The following TXNRD2 variants were observed in gnomAD, a reference collection of about 807,000 sequenced individuals.
TXNRD2 encodes the protein thioredoxin reductase 2, mitochondrial.
In TXNRD2, 67 loss-of-function variants were observed where a neutral mutation model predicts 70.8. The observed-to-expected ratio is 0.95, with a 90% CI of 0.78 to 1.16. The LOEUF (loss-of-function observed/expected upper bound fraction) is 1.16, where lower values mean the gene tolerates loss of function less well. Ranked by LOEUF, TXNRD2 falls within the 50% of genes most tolerant of loss-of-function variation. The pLI, the probability that TXNRD2 is intolerant of heterozygous loss-of-function variation, is 0.00. For missense variants in TXNRD2, 644 were observed against 719.9 expected, an observed-to-expected ratio of 0.89 and a Z score of 1.21; for synonymous variants, 301 against 295.8, an observed-to-expected ratio of 1.02 and a Z score of -0.18.
At chr22:19,932,658 G>C in intron 1 of TXNRD2, 1 of 1,186,112 alleles carries the variant, frequency 8.4e-7, no homozygotes, top group South Asian at 1.7e-5. Context: ...CTGATGACAA[G>C]ACTCTAGGGT....
chr22:19,892,601 G>A (rs1939314717), intron 11 of TXNRD2, among the ~76,000 whole-genome samples: 1 of 152,258 alleles, frequency 6.6e-6, no homozygotes, highest in Non-Finnish European at 1.5e-5. Flanking sequence ...GCTTTCCGGG[G>A]ACACAGCCCC....
chr22:19,930,952 C>T (rs1025958840), intron 2 of TXNRD2, 78 bp downstream of exon 2: 10 of 1,377,812 alleles, frequency 7.3e-6, no homozygotes, highest in Admixed American at 1.7e-5. Flanking sequence ...TGCTCATGGA[C>T]GTTTTCTGGA....
At chr22:19,881,987 C>A (rs574542391) in intron 12 of TXNRD2, among the ~76,000 whole-genome samples, 5 of 152,126 alleles carry the variant, frequency 3.3e-5, no homozygotes, top group Non-Finnish European at 4.4e-5. Flanking sequence ...TTTGCAGATA[C>A]AATTAAGGTA....
rs779542396 is a variant in TXNRD2, at chr22:19,941,745, T to C, written c.59A>G (p.Gln20Arg). 4.0e-6 allele frequency: 6 copies of C among 1,498,478 alleles called. No homozygotes were observed. In the South Asian group the frequency reaches 6.3e-5, roughly 16 times the overall value. The allele number at this position is 1,498,478 out of a possible 1,614,324, so 92.8% of individuals were successfully genotyped here. Residue 20 changes from glutamine (Q) to arginine (R), a missense_variant, in exon 1 of 18, where the codon CAG becomes CGG. Gln to Arg is a conservative substitution (Grantham distance 43). This residue lies in a region of TXNRD2 where 71 missense variants were observed against 53.6 expected (regional missense o/e 1.33). Coordinates refer to ENST00000400521, the MANE Select transcript of TXNRD2 (RefSeq NM_006440.5). ...GCCCCGCACCCCGCCCGCCACGGCC[T>C]GCGTCCGCCACCGGAAGCGCCCTCC... ...GLGGRFRWRT[Q>R]AVAGGVRGAA...
intron 8 of TXNRD2, among the ~76,000 whole-genome samples, chr22:19,909,807 C>A (rs1415624536): frequency 1.5e-5 from 2 of 129,338 alleles, no homozygotes; most frequent in East Asian, 5.1e-4. Flanking sequence ...CTCACACACA[C>A]CACTCACACA....
At chr22:19,885,487 A>G (rs1376114152) in intron 11 of TXNRD2, among the ~76,000 whole-genome samples, 5 of 152,210 alleles carry the variant, frequency 3.3e-5, no homozygotes, top group Non-Finnish European at 5.9e-5. Flanking sequence ...TGCTCTGCTC[A>G]GCCGCAGGAA....
rs115768691 is a variant in TXNRD2 at position 19,913,242 on chromosome 22, T to C, written c.592-1795A>G. 9.3e-3 allele frequency among the ~76,000 whole-genome samples: 1,416 copies of C among 152,286 alleles called. 28 individuals are homozygous for C. The highest frequency in any genetic ancestry group is 0.032 in the African/African-American group (1,346 of 41,546). Reference sequence around the variant, plus strand: ...TGGCAAGAACTGGGAGATTCAGAATTATGGAAATTAACCACAGGCTTGCAG... The same window carrying C: ...TGGCAAGAACTGGGAGATTCAGAATCATGGAAATTAACCACAGGCTTGCAG... On this transcript the variant is annotated intron_variant, in intron 7 of 17. Transcript: ENST00000400521.
At position 19,895,131 on chromosome 22, in the gene TXNRD2, T is replaced by C. The variant is rs368748000; in HGVS notation, c.949+276A>G. The C allele has an allele frequency of 1.0e-5, 16 of 1,598,318 alleles. No individual in the cohort carries two copies. In the African/African-American group the frequency reaches 1.5e-4, roughly 15 times the overall value. The stretch of plus-strand genomic sequence containing the variant: ...CGATGAGGACACCTGGCTGATGCCG[T>C]CTCAGTCTCTTCTCTGGTTTTTTCC... On this transcript the variant is annotated intron_variant, in intron 11 of 17. Transcript: ENST00000400521.
intron 7 of TXNRD2, among the ~76,000 whole-genome samples, chr22:19,913,038 G>C (rs1050335620): frequency 1.3e-5 from 2 of 152,116 alleles, no homozygotes; most frequent in African/African-American, 2.4e-5. Context: ...CGGTTCCCTG[G>C]GAGACCCGTG....
At chr22:19,890,302 A>G (rs1601401327) in intron 11 of TXNRD2, among the ~76,000 whole-genome samples, 2 of 152,300 alleles carry the variant, frequency 1.3e-5, no homozygotes, top group Admixed American at 6.5e-5. Context: ...CAAACTCACA[A>G]TGGAGGCAGA....
chr22:19,925,148 G>A (rs139231006), intron 2 of TXNRD2, among the ~76,000 whole-genome samples: 2,830 of 151,872 alleles, frequency 0.019, 124 homozygotes, highest in African/African-American at 0.064. Context: ...GACGGGCATG[G>A]TGGCATGCGC....
chr22:19,933,349 C>T (rs1002379933), intron 1 of TXNRD2: 8 of 920,276 alleles, frequency 8.7e-6, no homozygotes, highest in Middle Eastern at 2.5e-4. Flanking sequence ...ACCAGGTCCC[C>T]CGGGGAGCAT....
At chr22:19,906,942 C>T (rs1940051011) in intron 8 of TXNRD2, among the ~76,000 whole-genome samples, 1 of 102,812 alleles carries the variant, frequency 9.7e-6, no homozygotes, top group African/African-American at 3.8e-5. Context: ...GTGTGGGCAC[C>T]GTAAGTAGCA....
intron 7 of TXNRD2, among the ~76,000 whole-genome samples, chr22:19,913,155 C>T (rs1297711273): frequency 6.6e-6 from 1 of 152,190 alleles, no homozygotes; most frequent in Non-Finnish European, 1.5e-5. Context: ...CAACTCTGCC[C>T]CCACAACCCA....
At chr22:19,939,135 G>A (rs796274568) in intron 1 of TXNRD2, among the ~76,000 whole-genome samples, 12 of 152,262 alleles carry the variant, frequency 7.9e-5, no homozygotes, top group South Asian at 6.2e-4. Flanking sequence ...CTTAAACTTC[G>A]TGTGAATACT....
At chr22:19,935,458 CAGG>C (rs1360360311) in intron 1 of TXNRD2, among the ~76,000 whole-genome samples, 1 of 152,176 alleles carries the variant, frequency 6.6e-6, no homozygotes, top group Non-Finnish European at 1.5e-5. Context: ...AGACCCTTAT[CAGG>C]AGTTCTGATT....
At chr22:19,902,720 C>T (rs190490442) in intron 8 of TXNRD2, among the ~76,000 whole-genome samples, 148 of 152,336 alleles carry the variant, frequency 9.7e-4, no homozygotes, top group Admixed American at 1.8e-3. Flanking sequence ...GCCACAGGGA[C>T]GCACACAGAG....
intron 10 of TXNRD2, 100 bp from the exon 11 acceptor site, chr22:19,895,681 G>T: frequency 7.2e-7 from 1 of 1,386,990 alleles, no homozygotes; most frequent in Non-Finnish European, 1.0e-6. Context: ...GGGCGGAGAG[G>T]GGTCTGTGCG....
At chr22:19,909,971 C>CCACACACACACACACCA (rs550458869) in intron 8 of TXNRD2, among the ~76,000 whole-genome samples, 5 of 121,592 alleles carry the variant, frequency 4.1e-5, no homozygotes, top group Non-Finnish European at 8.8e-5. Context: ...CACACACACA[C>CCACACACACACACACCA]CACACACACC....
Sources: gnomAD v4.1 joint callset for allele counts (sites outside exome capture counted in the v4.1 genomes callset) on GRCh38, gnomAD v4.1.1 for gene constraint, gnomAD v4.1.1 regional missense constraint, MANE v1.5 for transcripts, NCBI Gene and HGNC (gene_info 2026-07-23, HGNC 2026-07-21) for gene names.